ATIC: variants seen among roughly 807,000 people sequenced by gnomAD.
ATIC encodes the protein 5-aminoimidazole-4-carboxamide ribonucleotide formyltransferase/IMP cyclohydrolase, also known as bifunctional purine biosynthesis protein ATIC.
A neutral mutation model predicts 72.5 loss-of-function variants in ATIC; 64 were observed. The observed-to-expected ratio is 0.88, with a 90% CI of 0.72 to 1.09. The LOEUF (loss-of-function observed/expected upper bound fraction) is 1.09. Ranked by LOEUF, ATIC falls within the 50% of genes least tolerant of loss-of-function variation. The probability of loss-of-function intolerance (pLI) is 0.00; values close to 1 mark genes in which losing one functional copy is unlikely to be tolerated. For synonymous variants in ATIC, 281 were observed against 267.1 expected (o/e 1.05, Z -0.51); for missense variants, 787 against 732.4 (o/e 1.07, Z -0.86).
chr2:215,346,752 TC>T lies in ATIC; in HGVS notation c.1321-5del. The stretch of plus-strand genomic sequence containing the variant: ...GAGGTGTTCACTTTAATGTCTGTGT[TC>T]CTCAGGTTATCGGCATTGGAGCAGG... On this transcript the variant is annotated splice_region_variant and splice_polypyrimidine_tract_variant and intron_variant, in intron 13 of 15. Coordinates refer to ENST00000236959, the MANE Select transcript of ATIC (RefSeq NM_004044.7). 1 of 1,614,050 alleles carries T rather than the reference TC, an allele frequency of 6.2e-7. No individual in the cohort carries two copies. Among genetic ancestry groups the T allele is most frequent in the South Asian group, 1.1e-5 (1 of 91,082 alleles).
rs766241704 is a variant in ATIC at position 215,318,230 on chromosome 2, G to A, written c.220G>A (p.Ala74Thr). ...GAAAACTTTGCATCCTGCAGTCCATGCTGGTAAGTGGTTGGTATCTTTAAT... is the reference window on the plus strand; with the variant it reads ...GAAAACTTTGCATCCTGCAGTCCATACTGGTAAGTGGTTGGTATCTTTAAT... ...RVKTLHPAVHAGILARNIPED... is the reference protein window; with the variant it reads ...RVKTLHPAVHTGILARNIPED... Residue 74 changes from alanine (A) to threonine (T), a missense_variant, in exon 3 of 16, where the codon GCT becomes ACT. Ala to Thr is a moderately conservative substitution (Grantham distance 58). Coordinates refer to ENST00000236959, the MANE Select transcript of ATIC (RefSeq NM_004044.7). The A allele has an allele frequency of 2.5e-6, 4 of 1,613,098 alleles. No homozygotes were observed. The Admixed American group carries it at 5.0e-5, about 20-fold the overall frequency.
chr2:215,314,841 A>T (rs1187141415), intron 2 of ATIC, among the ~76,000 whole-genome samples: 1 of 152,168 alleles, frequency 6.6e-6, no homozygotes, highest in Non-Finnish European at 1.5e-5. Context: ...CTCCATCGTA[A>T]ACGTCACGGC....
intron 2 of ATIC, among the ~76,000 whole-genome samples, chr2:215,314,076 T>C (rs1360167356): frequency 6.6e-6 from 1 of 152,226 alleles, no homozygotes; most frequent in Admixed American, 6.5e-5. Context: ...TTGGGTCCTA[T>C]ATCTGTCACC....
chr2:215,355,743 T>TA, the ATIC span, among the ~76,000 whole-genome samples: 1,496 of 152,370 alleles, frequency 9.8e-3, 28 homozygotes, highest in African/African-American at 0.035. Flanking sequence ...CAAACACCTG[T>TA]GTCACCACCA....
chr2:215,319,757 A>G (rs756981785), intron 4 of ATIC, 26 bp downstream of exon 4: 2 of 1,567,214 alleles, frequency 1.3e-6, no homozygotes, highest in South Asian at 1.1e-5. Flanking sequence ...TAAACTTTTA[A>G]CACATTACGA....
At chr2:215,321,348 T>G (rs2105999365) in intron 4 of ATIC, among the ~76,000 whole-genome samples, 1 of 29,190 alleles carries the variant, frequency 3.4e-5, no homozygotes, top group South Asian at 2.0e-3. Flanking sequence ...TAATCCATTG[T>G]GTGGTCATAC....
chr2:215,358,054 A>G, the ATIC span, among the ~76,000 whole-genome samples: 3 of 152,214 alleles, frequency 2.0e-5, no homozygotes, highest in African/African-American at 4.8e-5. Context: ...TGGAAATATA[A>G]TTAAATAGAA....
rs770382367 is a variant in ATIC at position 215,326,006 on chromosome 2, A to G, written c.399A>G (p.Arg133=). The G allele has an allele frequency of 2.8e-5, 46 of 1,614,052 alleles. No individual in the cohort carries two copies. In the Admixed American group the frequency reaches 7.5e-4, roughly 26 times the overall value. Reference sequence around the variant, plus strand: ...TCAAAGGTGGAGTAACCTTACTGAGAGCTGCAGCCAAAAACCACGCTCGAG... The same window carrying G: ...TCAAAGGTGGAGTAACCTTACTGAGGGCTGCAGCCAAAAACCACGCTCGAG... The part of the protein sequence containing the change: ...QIDIGGVTLL[R]AAAKNHARVT... The change falls in exon 6 of 16, where the codon AGA becomes AGG. Residue 133 remains arginine, a synonymous_variant. Transcript: ENST00000236959.
the ATIC span, among the ~76,000 whole-genome samples, chr2:215,356,841 G>A: frequency 6.6e-6 from 1 of 152,156 alleles, no homozygotes; most frequent in African/African-American, 2.4e-5. Flanking sequence ...ATTAGTCGAT[G>A]GACATTGGGT....
chr2:215,337,615 C>T (rs1404416144), intron 11 of ATIC, among the ~76,000 whole-genome samples: 2 of 152,228 alleles, frequency 1.3e-5, no homozygotes, highest in Admixed American at 1.3e-4. Context: ...GATCTGCCCG[C>T]CTCGGCCTCC....
rs1575113956 is a variant in ATIC, at chr2:215,319,733, T to C, written c.290+2T>C. 6.2e-7 allele frequency: 1 copy of C among 1,602,806 alleles called. No individual in the cohort carries two copies. The highest frequency in any genetic ancestry group is 8.5e-7 in the Non-Finnish European group (1 of 1,169,806). Reference sequence around the variant, plus strand: ...CAGACTTGATTTCAATCTTATAAGGTAAAAACCTGAAATTAAACTTTTAAC... The same window carrying C: ...CAGACTTGATTTCAATCTTATAAGGCAAAAACCTGAAATTAAACTTTTAAC... On this transcript the variant is annotated splice_donor_variant, in intron 4 of 15. Coordinates refer to ENST00000236959, the MANE Select transcript of ATIC (RefSeq NM_004044.7). LOFTEE classifies it high-confidence loss of function.
Position 215,325,303 on chromosome 2 carries a change from A to T in ATIC, c.353A>T (p.Glu118Val). The change falls in exon 5 of 16, where the codon GAG becomes GTG. Residue 118 changes from glutamate (E) to valine (V), a missense_variant. Physicochemically the swap from Glu to Val is moderately radical, Grantham distance 121 (BLOSUM62 -2). Transcript: ENST00000236959. ...GTGGCTTCTCCAGGTGTAACTGTTGAGGAGGCTGTGGAGCAAATTGACATT... is the reference window on the plus strand; with the variant it reads ...GTGGCTTCTCCAGGTGTAACTGTTGTGGAGGCTGTGGAGCAAATTGACATT... ...KTVASPGVTVEEAVEQIDIGG... is the reference protein window; with the variant it reads ...KTVASPGVTVVEAVEQIDIGG... 6.2e-7 allele frequency: 1 copy of T among 1,613,724 alleles called. No individual in the cohort carries two copies. The highest frequency in any genetic ancestry group is 8.5e-7 in the Non-Finnish European group (1 of 1,179,658).
intron 14 of ATIC, 128 bp from the exon 15 acceptor site, chr2:215,348,966 A>AAATAAT: frequency 2.9e-6 from 2 of 681,450 alleles, no homozygotes. Flanking sequence ...AAAAAAAAAA[A>AAATAAT]AATAATAATA....
intron 2 of ATIC, among the ~76,000 whole-genome samples, chr2:215,314,200 C>T (rs555836501): frequency 6.6e-6 from 1 of 152,256 alleles, no homozygotes; most frequent in South Asian, 2.1e-4. Flanking sequence ...ATGTGTTTCT[C>T]TTCTATGAAA....
downstream of ATIC, among the ~76,000 whole-genome samples, chr2:215,351,205 C>A (rs1406239114): frequency 1.3e-5 from 2 of 152,108 alleles, no homozygotes; most frequent in African/African-American, 4.8e-5. Flanking sequence ...ATGAGTGAGC[C>A]ATCTCAGAGG....
intron 6 of ATIC, among the ~76,000 whole-genome samples, chr2:215,326,370 C>T (rs1042881590): frequency 6.6e-6 from 1 of 151,940 alleles, no homozygotes; most frequent in African/African-American, 2.4e-5. Flanking sequence ...TTTGGGAGGC[C>T]GAGGCGGGCG....
chr2:215,330,616 GT>G (rs1277223645), intron 7 of ATIC, among the ~76,000 whole-genome samples: 1 of 151,984 alleles, frequency 6.6e-6, no homozygotes, highest in South Asian at 2.1e-4. Flanking sequence ...ATGCAGAATA[GT>G]TTCAATGCCC....
intron 12 of ATIC, among the ~76,000 whole-genome samples, chr2:215,340,352 A>C (rs1280695964): frequency 1.3e-5 from 2 of 152,216 alleles, no homozygotes; most frequent in East Asian, 3.9e-4. Context: ...AAGAATGGAC[A>C]AGCTGACATT....
chr2:215,358,789 G>A, the ATIC span, among the ~76,000 whole-genome samples: 50 of 152,308 alleles, frequency 3.3e-4, no homozygotes, highest in East Asian at 8.9e-3. Flanking sequence ...CTTAAGTGGG[G>A]AACTTGAGGT....
Sources: gnomAD v4.1 joint callset for allele counts (sites outside exome capture counted in the v4.1 genomes callset) on GRCh38, gnomAD v4.1.1 for gene constraint, MANE v1.5 for transcripts, NCBI Gene and HGNC (gene_info 2026-07-23, HGNC 2026-07-21) for gene names.